Variants in BAZ2B observed in about 807,000 individuals in gnomAD.
BAZ2B encodes bromodomain adjacent to zinc finger domain protein 2B.
A neutral mutation model predicts 246.0 loss-of-function variants in BAZ2B; 91 were observed. That is an observed-to-expected ratio of 0.37 (90% CI 0.31 to 0.44). The LOEUF (loss-of-function observed/expected upper bound fraction) is 0.44. Ranked by LOEUF, BAZ2B falls within the 20% of genes least tolerant of loss-of-function variation. The pLI is 1.00. For missense variants in BAZ2B, 2,332 were observed against 2,533.7 expected (o/e 0.92, Z 1.71); for synonymous variants, 855 against 860.0 (o/e 0.99, Z 0.10).
At chr2:159,571,433 TA>T (rs1683980823) in intron 1 of BAZ2B, among the ~76,000 whole-genome samples, 1 of 152,072 alleles carries the variant, frequency 6.6e-6, no homozygotes, top group African/African-American at 2.4e-5. Flanking sequence ...TACAGAAACC[TA>T]AAAACCCTGG....
At chr2:159,632,784 C>A in the BAZ2B span, among the ~76,000 whole-genome samples, 1 of 152,136 alleles carries the variant, frequency 6.6e-6, no homozygotes, top group South Asian at 2.1e-4. Context: ...TCCAATATTT[C>A]AAAACTATTA....
chr2:159,572,342 A>G (rs1684231922), intron 1 of BAZ2B, among the ~76,000 whole-genome samples: 2 of 152,212 alleles, frequency 1.3e-5, no homozygotes, highest in African/African-American at 2.4e-5. Flanking sequence ...CAGAACTGTG[A>G]GTAACTGAGA....
the BAZ2B span, among the ~76,000 whole-genome samples, chr2:159,661,208 G>A: frequency 2.0e-5 from 3 of 152,052 alleles, no homozygotes; most frequent in African/African-American, 7.2e-5. Context: ...TTCCCTTTTT[G>A]TGTGGGTTGC....
chr2:159,585,497 A>G (rs6432538), intron 1 of BAZ2B, among the ~76,000 whole-genome samples: 140,613 of 152,296 alleles, frequency 0.92, 65,417 homozygotes, highest in East Asian at 1. Flanking sequence ...TATTTTTTAT[A>G]ATTTCCTGTT....
intron 2 of BAZ2B, among the ~76,000 whole-genome samples, chr2:159,545,496 A>G (rs920093731): frequency 2.6e-5 from 4 of 152,226 alleles, no homozygotes; most frequent in Non-Finnish European, 4.4e-5. Flanking sequence ...ATGAATTTCA[A>G]GTTGTTAAAA....
intron 32 of BAZ2B, 67 bp downstream of exon 32, chr2:159,337,500 G>C (rs1350032470): frequency 1.9e-6 from 3 of 1,613,148 alleles, no homozygotes; most frequent in Non-Finnish European, 2.5e-6. Context: ...CAGGAGCAGG[G>C]ACAGTAACTG....
At chr2:159,343,216 G>T (rs2067062526) in intron 31 of BAZ2B, among the ~76,000 whole-genome samples, 1 of 152,180 alleles carries the variant, frequency 6.6e-6, no homozygotes, top group Non-Finnish European at 1.5e-5. Context: ...ATATCCATAT[G>T]CAGAGGAATT....
At chr2:159,584,879 A>T (rs913954629) in intron 1 of BAZ2B, among the ~76,000 whole-genome samples, 13 of 152,136 alleles carry the variant, frequency 8.5e-5, no homozygotes, top group Admixed American at 8.5e-4. Flanking sequence ...GTCATTTAAA[A>T]GTGTATAGCA....
In BAZ2B at chr2:159,430,993, A is replaced by G. The variant is rs35695911; in HGVS notation, c.2064T>C (p.Gly688=). Residue 688 remains glycine (G), a synonymous_variant, in exon 10 of 37, where the codon GGT becomes GGC. Transcript: ENST00000392783. ...SVKSPSMSLT[G]HSTPRNLHIA... ...TGTGGAGGTTACGAGGTGTTGAGTGACCTGTGAGACTCATGGAAGGGCTTT... is the reference window on the plus strand; with the variant it reads ...TGTGGAGGTTACGAGGTGTTGAGTGGCCTGTGAGACTCATGGAAGGGCTTT... The G allele has an allele frequency of 1.9e-6, 3 of 1,613,962 alleles. No homozygotes were observed. The East Asian group carries it at 6.7e-5, about 36-fold the overall frequency.
intron 14 of BAZ2B, among the ~76,000 whole-genome samples, chr2:159,411,079 T>C (rs754489767): frequency 2.0e-5 from 3 of 152,200 alleles, no homozygotes; most frequent in Non-Finnish European, 4.4e-5. Flanking sequence ...TGAAGCGCAG[T>C]GGCATGATCA....
rs1041376958 is a variant in BAZ2B, at chr2:159,430,968, T to C, written c.2089A>G (p.Ile697Val). The change falls in exon 10 of 37, where the codon ATA (isoleucine) becomes GTA (valine). Residue 697 changes from isoleucine to valine, a missense_variant. Coordinates refer to ENST00000392783, the MANE Select transcript of BAZ2B (RefSeq NM_013450.4). Reference protein sequence around the residue: ...TGHSTPRNLHIAKAPGSAPAA... With the variant: ...TGHSTPRNLHVAKAPGSAPAA... Reference sequence around the variant, plus strand: ...GGAGCAGAGCCTGGGGCTTTTGCTATGTGGAGGTTACGAGGTGTTGAGTGA... The same window carrying C: ...GGAGCAGAGCCTGGGGCTTTTGCTACGTGGAGGTTACGAGGTGTTGAGTGA... The C allele has an allele frequency of 8.1e-6, 13 of 1,613,950 alleles. No homozygotes were observed. Among genetic ancestry groups the C allele is most frequent in the Non-Finnish European group, 1.1e-5 (13 of 1,179,942 alleles).
chr2:159,388,502 G>A (rs1001966459), intron 21 of BAZ2B, among the ~76,000 whole-genome samples: 3 of 152,082 alleles, frequency 2.0e-5, no homozygotes, highest in Non-Finnish European at 4.4e-5. Flanking sequence ...ATAGGCTCTG[G>A]AGTTTAACAA....
chr2:159,522,865 C>T (rs1362341024), intron 2 of BAZ2B, among the ~76,000 whole-genome samples: 1 of 148,670 alleles, frequency 6.7e-6, no homozygotes. Context: ...TTTACTAGTA[C>T]AAAAAAAAAA....
At chr2:159,376,682 C>A (rs763274491) in intron 25 of BAZ2B, among the ~76,000 whole-genome samples, 39 of 152,080 alleles carry the variant, frequency 2.6e-4, no homozygotes, top group Non-Finnish European at 5.1e-4. Flanking sequence ...AAATACAGTT[C>A]AATCAATAAA....
At chr2:159,579,471 T>C (rs1252880101) in intron 1 of BAZ2B, among the ~76,000 whole-genome samples, 1 of 152,128 alleles carries the variant, frequency 6.6e-6, no homozygotes, top group Admixed American at 6.5e-5. Flanking sequence ...ACCAGATGGA[T>C]TCACAGCCGA....
chr2:159,336,860 GT>G, intron 33 of BAZ2B, 81 bp downstream of exon 33: 1 of 1,225,252 alleles, frequency 8.2e-7, no homozygotes, highest in Non-Finnish European at 1.1e-6. Context: ...AATAGGTAAT[GT>G]ATAATTAAGA....
At chr2:159,646,030 C>A in the BAZ2B span, among the ~76,000 whole-genome samples, 1 of 152,130 alleles carries the variant, frequency 6.6e-6, no homozygotes, top group East Asian at 1.9e-4. Context: ...TTGAGAGCAA[C>A]CAACGGGTCT....
At chr2:159,324,664 ACACACACACACACACACACACACACCT>A (rs2063199636) in intron 36 of BAZ2B, 120 bp downstream of exon 36, 9 of 256,662 alleles carry the variant, frequency 3.5e-5, no homozygotes, top group African/African-American at 2.4e-4. Context: ...ACACACACAC[ACACACACACACACACACACACACACCT>A]GCCTCAAAGG....
At chr2:159,521,245 A>C (rs1245554085) in intron 2 of BAZ2B, among the ~76,000 whole-genome samples, 1 of 152,138 alleles carries the variant, frequency 6.6e-6, no homozygotes, top group Non-Finnish European at 1.5e-5. Flanking sequence ...TAACCATCTT[A>C]TAATTGTTTA....
Sources: allele counts gnomAD v4.1 joint callset (sites outside exome capture counted in the v4.1 genomes callset), GRCh38; gene constraint gnomAD v4.1.1; transcripts MANE v1.5; gene names NCBI Gene and HGNC (gene_info 2026-07-23, HGNC 2026-07-21).